WWTR1: variants seen among roughly 807,000 people sequenced by gnomAD.
WWTR1 encodes WW domain-containing transcription regulator protein 1.
Under a neutral mutation model 40.1 loss-of-function variants are expected in WWTR1, and 13 were observed. The observed-to-expected ratio is 0.32, with a 90% CI of 0.21 to 0.52. The LOEUF (loss-of-function observed/expected upper bound fraction) is 0.52. WWTR1 is among the 20% of genes least tolerant of loss of function. WWTR1 has a pLI of 0.97. For synonymous variants in WWTR1, 230 were observed against 210.1 expected, an observed-to-expected ratio of 1.09 and a Z score of -0.82; for missense variants, 436 against 523.1, an observed-to-expected ratio of 0.83 and a Z score of 1.63.
Position 149,571,700 on chromosome 3 carries a change from G to A in WWTR1, c.568+1164C>T, listed in dbSNP as rs142721350. Among the ~76,000 whole-genome samples, 20 of 152,282 alleles carry A rather than the reference G, an allele frequency of 1.3e-4. No individual in the cohort carries two copies. The East Asian group carries it at 3.3e-3, about 25-fold the overall frequency. ...TGAGGGAAGGGTGTCCAGGAATAACGCTTCCATTTTTATCTTGTTCATTCC... is the reference window on the plus strand; with the variant it reads ...TGAGGGAAGGGTGTCCAGGAATAACACTTCCATTTTTATCTTGTTCATTCC... On this transcript the variant is annotated intron_variant, in intron 3 of 6. Transcript: ENST00000360632.
intron 3 of WWTR1, among the ~76,000 whole-genome samples, chr3:149,551,223 G>A (rs1736605908): frequency 6.9e-6 from 1 of 144,494 alleles, no homozygotes; most frequent in East Asian, 2.0e-4. Flanking sequence ...TTTGAACCCA[G>A]GAGGCAGGAG....
chr3:149,662,693 G>GT (rs1217100227), upstream of WWTR1, among the ~76,000 whole-genome samples: 2 of 151,992 alleles, frequency 1.3e-5, no homozygotes, highest in African/African-American at 2.4e-5. Flanking sequence ...CAGCTCAGAA[G>GT]TTTTTTTTAA....
chr3:149,641,054 AAGGCATT>A (rs1351849607), intron 2 of WWTR1, among the ~76,000 whole-genome samples: 72 of 152,370 alleles, frequency 4.7e-4, no homozygotes, highest in African/African-American at 1.6e-3. Flanking sequence ...CTCATATTTT[AAGGCATT>A]CGATATTATT....
chr3:149,549,116 T>A (rs1483760498), intron 3 of WWTR1, among the ~76,000 whole-genome samples: 1 of 152,234 alleles, frequency 6.6e-6, no homozygotes, highest in Non-Finnish European at 1.5e-5. Flanking sequence ...AAATCATTTA[T>A]GTAGACACAC....
intron 4 of WWTR1, among the ~76,000 whole-genome samples, chr3:149,541,981 G>A (rs1403577559): frequency 6.6e-6 from 1 of 152,188 alleles, no homozygotes; most frequent in Non-Finnish European, 1.5e-5. Context: ...CCACAAAATT[G>A]TGCGATATAA....
At chr3:149,604,104 T>C (rs749052644) in intron 2 of WWTR1, among the ~76,000 whole-genome samples, 2 of 152,252 alleles carry the variant, frequency 1.3e-5, no homozygotes, top group Non-Finnish European at 2.9e-5. Context: ...TTACATAATA[T>C]GCAAAGCATT....
intron 2 of WWTR1, among the ~76,000 whole-genome samples, chr3:149,626,086 T>C (rs1005888050): frequency 6.6e-6 from 1 of 152,166 alleles, no homozygotes; most frequent in South Asian, 2.1e-4. Flanking sequence ...TCATGACAAA[T>C]GAGTTTTCCT....
chr3:149,558,077 A>C (rs1736915589), intron 3 of WWTR1, among the ~76,000 whole-genome samples: 1 of 152,096 alleles, frequency 6.6e-6, no homozygotes, highest in Non-Finnish European at 1.5e-5. Flanking sequence ...AAGCATCATA[A>C]TTTCATTTTA....
chr3:149,686,252 A>T (rs74950357), intron 1 of WWTR1, among the ~76,000 whole-genome samples: 3,231 of 152,306 alleles, frequency 0.021, 63 homozygotes, highest in South Asian at 0.092. Flanking sequence ...TTTTCAGGCT[A>T]GATCCATTCA....
chr3:149,629,823 A>T (rs575258659), intron 2 of WWTR1, among the ~76,000 whole-genome samples: 4 of 152,286 alleles, frequency 2.6e-5, no homozygotes, highest in Non-Finnish European at 5.9e-5. Context: ...TGAAAACCAT[A>T]TATGCAAACA....
At chr3:149,676,868 T>C (rs1187028739) in intron 1 of WWTR1, among the ~76,000 whole-genome samples, 1 of 151,084 alleles carries the variant, frequency 6.6e-6, no homozygotes, top group Non-Finnish European at 1.5e-5. Context: ...TGTTAAATCC[T>C]GAAGTCTGTC....
At chr3:149,538,234 T>G (rs1226479890) in intron 4 of WWTR1, among the ~76,000 whole-genome samples, 1 of 152,186 alleles carries the variant, frequency 6.6e-6, no homozygotes, top group African/African-American at 2.4e-5. Flanking sequence ...ATTAAAATTT[T>G]TTTCTACTTA....
At chr3:149,607,137 T>G (rs551553453) in intron 2 of WWTR1, among the ~76,000 whole-genome samples, 7 of 152,364 alleles carry the variant, frequency 4.6e-5, no homozygotes, top group Admixed American at 3.9e-4. Context: ...TTAACAGATA[T>G]TACTATTTTC....
At chr3:149,603,724 A>G (rs1361675576) in intron 2 of WWTR1, among the ~76,000 whole-genome samples, 1 of 152,116 alleles carries the variant, frequency 6.6e-6, no homozygotes, top group East Asian at 1.9e-4. Context: ...GTTTTGTGTT[A>G]CACAGTTTTC....
intron 3 of WWTR1, among the ~76,000 whole-genome samples, chr3:149,557,584 C>G (rs1736887571): frequency 6.6e-6 from 1 of 152,188 alleles, no homozygotes; most frequent in Admixed American, 6.5e-5. Flanking sequence ...AATCTCACAG[C>G]CAAATCTGTA....
intron 2 of WWTR1, among the ~76,000 whole-genome samples, chr3:149,624,223 G>A (rs183985071): frequency 6.6e-6 from 1 of 152,330 alleles, no homozygotes; most frequent in African/African-American, 2.4e-5. Context: ...GCGGGTAGAG[G>A]GAAGCCCTCT....
intron 2 of WWTR1, among the ~76,000 whole-genome samples, chr3:149,573,355 A>AGCTCCTTCCTGGAAGGGGAGCCATGC (rs1737733816): frequency 6.6e-6 from 1 of 152,010 alleles, no homozygotes; most frequent in Non-Finnish European, 1.5e-5. Context: ...CCATAGTGTG[A>AGCTCCTTCCTGGAAGGGGAGCCATGC]GCTCCTTCCT....
intron 2 of WWTR1, chr3:149,576,171 C>T (rs1236399224): frequency 4.5e-6 from 2 of 449,364 alleles, no homozygotes; most frequent in African/African-American, 2.0e-5. Flanking sequence ...TGTAAGGCTG[C>T]GCTAACATGG....
At chr3:149,695,486 C>T (rs548129850) in intron 1 of WWTR1, among the ~76,000 whole-genome samples, 7 of 152,084 alleles carry the variant, frequency 4.6e-5, no homozygotes, top group South Asian at 2.1e-4. Flanking sequence ...AAGGGATGGG[C>T]GCAGTGGCTT....
Sources: allele counts gnomAD v4.1 joint callset (sites outside exome capture counted in the v4.1 genomes callset), GRCh38; gene constraint gnomAD v4.1.1; transcripts MANE v1.5; gene names NCBI Gene and HGNC (gene_info 2026-07-23, HGNC 2026-07-21).